Variants in ANK2 observed in about 807,000 individuals in gnomAD.
ANK2 encodes the protein ankyrin-2.
ANK2 carries 83 observed loss-of-function variants against 360.5 expected under a neutral mutation model. That is an observed-to-expected ratio of 0.23 (90% confidence interval 0.19 to 0.28). The LOEUF is 0.28. Ranked by LOEUF, ANK2 falls within the 10% of genes least tolerant of loss-of-function variation. ANK2 has a pLI of 1.00. For missense variants in ANK2, 4,201 were observed against 4,795.7 expected, an observed-to-expected ratio of 0.88 and a Z score of 3.66; for synonymous variants, 1,740 against 1,759.5, an observed-to-expected ratio of 0.99 and a Z score of 0.28.
In ANK2 at chr4:113,359,232, T is replaced by A. The variant is rs756441586; in HGVS notation, c.10614T>A (p.Ile3538=). The change falls in exon 38 of 46, where the codon ATT becomes ATA. Residue 3538 remains isoleucine (I), a synonymous_variant. Transcript: ENST00000357077. The part of the protein sequence containing the change: ...VPEDIFDTRP[I]WDESIETLIE... ...AGGACATCTTTGACACAAGGCCCAT[T>A]TGGGATGAGTCTATTGAGACTCTGA... 3 of 1,613,720 alleles carry A rather than the reference T, an allele frequency of 1.9e-6. No individual in the cohort carries two copies. The highest frequency in any genetic ancestry group is 8.5e-7 in the Non-Finnish European group (1 of 1,179,822).
chr4:113,364,743 G>T (rs546666144), intron 40 of ANK2, among the ~76,000 whole-genome samples: 1 of 152,244 alleles, frequency 6.6e-6, no homozygotes, highest in South Asian at 2.1e-4. Context: ...CATATCCCTT[G>T]TAATATTTGG....
chr4:112,719,884 G>T, the ANK2 span, among the ~76,000 whole-genome samples: 3 of 152,042 alleles, frequency 2.0e-5, no homozygotes, highest in Admixed American at 2.0e-4. Context: ...AATTGCAAAG[G>T]CTTGGAAGTA....
chr4:112,934,572 C>T lies in ANK2; in HGVS notation c.21+30058C>T, dbSNP rs189537897. 1.6e-4 allele frequency among the ~76,000 whole-genome samples: 25 copies of T among 152,224 alleles called. No individual in the cohort carries two copies. In the East Asian group the frequency reaches 4.2e-3, roughly 26 times the overall value. On this transcript the variant is annotated intron_variant, in intron 2 of 30. Transcript: ENST00000503271. ...ACGACCACATTTCCTCTTTCAGCCCCGCTTCCTCTCCTCAGTATTTATTGT... is the reference window on the plus strand; with the variant it reads ...ACGACCACATTTCCTCTTTCAGCCCTGCTTCCTCTCCTCAGTATTTATTGT...
At chr4:112,948,537 T>C (rs1362010714) in intron 2 of ANK2, among the ~76,000 whole-genome samples, 1 of 152,150 alleles carries the variant, frequency 6.6e-6, no homozygotes, top group Non-Finnish European at 1.5e-5. Context: ...AATGAGTAAC[T>C]GCCCTGATTC....
the ANK2 span, among the ~76,000 whole-genome samples, chr4:112,768,503 C>T: frequency 0.023 from 3,550 of 152,138 alleles, 118 homozygotes; most frequent in African/African-American, 0.079. Context: ...ATCCGCCCAC[C>T]GAGGCCTCCC....
Position 113,133,729 on chromosome 4 carries a change from G to A in ANK2, c.85-40687G>A, listed in dbSNP as rs537273119. ...GGACACTGTCCTAAGTACTTAAGAT[G>A]CACTGACTTATTTAATCTTTTCAGC... On this transcript the variant is annotated intron_variant, in intron 1 of 45. Transcript: ENST00000357077. Among the ~76,000 whole-genome samples the A allele has an allele frequency of 7.2e-5, 11 of 152,218 alleles. 1 individual carries two copies. The highest frequency in any genetic ancestry group is 2.2e-4 in the African/African-American group (9 of 41,552).
intron 23 of ANK2, among the ~76,000 whole-genome samples, chr4:113,304,124 C>A (rs1453342788): frequency 1.3e-5 from 2 of 152,172 alleles, no homozygotes; most frequent in Admixed American, 1.3e-4. Context: ...ATTTTGTGTT[C>A]TATCTTAATA....
chr4:113,236,915 C>T (rs759413931), intron 5 of ANK2, 72 bp from the exon 6 acceptor site: 2 of 1,425,838 alleles, frequency 1.4e-6, no homozygotes, highest in Non-Finnish European at 2.0e-6. Flanking sequence ...AGATTAGAGG[C>T]ATCATTGCTT....
chr4:113,190,900 A>G (rs1443428569), intron 2 of ANK2, among the ~76,000 whole-genome samples: 1 of 152,232 alleles, frequency 6.6e-6, no homozygotes, highest in African/African-American at 2.4e-5. Context: ...TAAGTAGTTC[A>G]GATAATTTTT....
At chr4:113,309,932 A>T (rs1387018680) in intron 23 of ANK2, among the ~76,000 whole-genome samples, 2 of 152,146 alleles carry the variant, frequency 1.3e-5, no homozygotes, top group African/African-American at 4.8e-5. Context: ...TTCTATTCAC[A>T]CGAGAGAGGA....
intron 4 of ANK2, chr4:113,214,457 A>G: frequency 1.4e-6 from 1 of 720,016 alleles, no homozygotes; most frequent in Non-Finnish European, 2.4e-6. Context: ...ATGATTATTT[A>G]AATAAACAAT....
intron 1 of ANK2, among the ~76,000 whole-genome samples, chr4:113,166,368 AT>A (rs1297796801): frequency 1.3e-5 from 2 of 152,038 alleles, no homozygotes; most frequent in Non-Finnish European, 2.9e-5. Context: ...CCAAATACAG[AT>A]TTCACATTTC....
chr4:113,129,092 A>G (rs1454559167), intron 1 of ANK2, among the ~76,000 whole-genome samples: 1 of 152,214 alleles, frequency 6.6e-6, no homozygotes, highest in Non-Finnish European at 1.5e-5. Context: ...CAAAATAACT[A>G]ATAAAAACAA....
chr4:113,064,410 AC>A (rs2074795757), intron 1 of ANK2, among the ~76,000 whole-genome samples: 1 of 152,148 alleles, frequency 6.6e-6, no homozygotes, highest in African/African-American at 2.4e-5. Flanking sequence ...CTGTGAGCAT[AC>A]ACATAACAGC....
At chr4:113,238,309 T>C (rs1459971742) in intron 7 of ANK2, among the ~76,000 whole-genome samples, 3 of 152,216 alleles carry the variant, frequency 2.0e-5, no homozygotes, top group African/African-American at 7.2e-5. Flanking sequence ...ACATTGTTGA[T>C]GTATATTATA....
At chr4:112,858,108 T>C (rs1426288842) in intron 1 of ANK2, among the ~76,000 whole-genome samples, 2 of 152,162 alleles carry the variant, frequency 1.3e-5, no homozygotes, top group Non-Finnish European at 2.9e-5. Flanking sequence ...TTCCATACCA[T>C]GGAAATGACT....
At chr4:112,729,322 A>G in the ANK2 span, among the ~76,000 whole-genome samples, 1 of 152,220 alleles carries the variant, frequency 6.6e-6, no homozygotes, top group South Asian at 2.1e-4. Context: ...TGATATGTCA[A>G]TTTCACTCTT....
the ANK2 span, among the ~76,000 whole-genome samples, chr4:112,796,370 C>A: frequency 2.0e-5 from 3 of 151,956 alleles, no homozygotes; most frequent in African/African-American, 7.2e-5. Flanking sequence ...TTACGGTGAA[C>A]CGAGATTGTG....
At chr4:113,261,097 G>A (rs1015342248) in intron 13 of ANK2, among the ~76,000 whole-genome samples, 3 of 152,172 alleles carry the variant, frequency 2.0e-5, no homozygotes, top group East Asian at 1.9e-4. Flanking sequence ...CTTTGGACAT[G>A]AGCATACCCA....
Sources: allele counts gnomAD v4.1 joint callset (sites outside exome capture counted in the v4.1 genomes callset), GRCh38; gene constraint gnomAD v4.1.1; transcripts MANE v1.5; gene names NCBI Gene and HGNC (gene_info 2026-07-23, HGNC 2026-07-21).